GULP1: variants seen among roughly 807,000 people sequenced by gnomAD.
GULP1 encodes the protein GULP PTB domain containing engulfment adaptor 1, also known as PTB domain-containing engulfment adapter protein 1.
A neutral mutation model predicts 40.9 loss-of-function variants in GULP1; 19 were observed. That is an observed-to-expected ratio of 0.46 (90% CI 0.32 to 0.68). The LOEUF is 0.68. GULP1 is among the 30% of genes least tolerant of loss of function. The probability of loss-of-function intolerance (pLI) is 0.03; values close to 1 mark genes in which losing one functional copy is unlikely to be tolerated. For missense variants in GULP1, 312 were observed against 362.2 expected (o/e 0.86, Z 1.12); for synonymous variants, 119 against 117.6 (o/e 1.01, Z -0.08).
intron 2 of GULP1, among the ~76,000 whole-genome samples, chr2:188,387,195 C>T (rs537393908): frequency 8.6e-5 from 13 of 151,878 alleles, no homozygotes; most frequent in Admixed American, 4.6e-4. Context: ...GAGGTTGCAC[C>T]ACTGCACTCC....
At chr2:188,363,720 G>C (rs1175365063) in intron 1 of GULP1, among the ~76,000 whole-genome samples, 2 of 152,114 alleles carry the variant, frequency 1.3e-5, no homozygotes, top group Non-Finnish European at 2.9e-5. Flanking sequence ...TTGTACATAA[G>C]ATTTGATGAC....
chr2:188,519,921 G>T (rs1370302270), intron 4 of GULP1, among the ~76,000 whole-genome samples: 1 of 152,066 alleles, frequency 6.6e-6, no homozygotes. Context: ...TGAAACTACA[G>T]GTTGCATATT....
chr2:188,494,992 T>C (rs188480799), intron 4 of GULP1, among the ~76,000 whole-genome samples: 64 of 152,174 alleles, frequency 4.2e-4, no homozygotes, highest in African/African-American at 1.5e-3. Flanking sequence ...TCAAGGGTTT[T>C]TGTGGTATCC....
At chr2:188,388,078 T>G (rs2050021472) in intron 2 of GULP1, among the ~76,000 whole-genome samples, 1 of 146,418 alleles carries the variant, frequency 6.8e-6, no homozygotes, top group Admixed American at 6.9e-5. Flanking sequence ...CCCCTTCCTG[T>G]GTCCCTGTGT....
chr2:188,544,911 C>G (rs968012306), intron 7 of GULP1, among the ~76,000 whole-genome samples: 1 of 151,874 alleles, frequency 6.6e-6, no homozygotes, highest in Non-Finnish European at 1.5e-5. Context: ...AGGATTAATC[C>G]AAGTAACTCC....
intron 2 of GULP1, among the ~76,000 whole-genome samples, chr2:188,402,213 A>C (rs954135453): frequency 6.6e-6 from 1 of 152,180 alleles, no homozygotes; most frequent in Non-Finnish European, 1.5e-5. Context: ...AAAGCCGGCT[A>C]GTACCTACAG....
chr2:188,395,792 C>G (rs753872084), intron 2 of GULP1, among the ~76,000 whole-genome samples: 4 of 152,154 alleles, frequency 2.6e-5, no homozygotes, highest in Non-Finnish European at 4.4e-5. Flanking sequence ...GGGATATTTT[C>G]AAGGGATCCA....
At chr2:188,297,617 G>T in intron 1 of GULP1, 1 of 419,962 alleles carries the variant, frequency 2.4e-6, no homozygotes, top group African/African-American at 2.2e-5. Flanking sequence ...CTATAAGAGA[G>T]GAGACTGAAT....
chr2:188,402,520 GTAA>G (rs75397811), intron 2 of GULP1, among the ~76,000 whole-genome samples: 1,759 of 152,012 alleles, frequency 0.012, 15 homozygotes, highest in Middle Eastern at 0.048. Flanking sequence ...AAAAATATAG[GTAA>G]TAATAATTTT....
chr2:188,539,304 A>G (rs1217855956), intron 6 of GULP1, among the ~76,000 whole-genome samples: 2 of 152,136 alleles, frequency 1.3e-5, no homozygotes, highest in African/African-American at 4.8e-5. Context: ...ATGCTTTTAC[A>G]ATTAATAAGC....
intron 2 of GULP1, among the ~76,000 whole-genome samples, chr2:188,411,983 G>T (rs577738679): frequency 6.6e-6 from 1 of 152,176 alleles, no homozygotes; most frequent in African/African-American, 2.4e-5. Context: ...TGATCATAGG[G>T]AACTCCCCGT....
At chr2:188,418,415 T>C (rs1305243103) in intron 2 of GULP1, among the ~76,000 whole-genome samples, 1 of 152,156 alleles carries the variant, frequency 6.6e-6, no homozygotes, top group Non-Finnish European at 1.5e-5. Context: ...CCGGATCCCC[T>C]GAGGTCAGGA....
chr2:188,435,363 G>A (rs1046347094), intron 2 of GULP1, among the ~76,000 whole-genome samples: 1 of 151,966 alleles, frequency 6.6e-6, no homozygotes, highest in Non-Finnish European at 1.5e-5. Flanking sequence ...GCCTATTTTG[G>A]TATGTTAAAC....
intron 7 of GULP1, among the ~76,000 whole-genome samples, chr2:188,557,136 C>G (rs1275523132): frequency 1.3e-5 from 2 of 152,118 alleles, no homozygotes; most frequent in African/African-American, 4.8e-5. Context: ...GAACACAGAT[C>G]CAAAACATAT....
chr2:188,593,556 C>T lies in GULP1; in HGVS notation c.844-384C>T, dbSNP rs184272350. 2.0e-5 allele frequency: 3 copies of T among 153,640 alleles called. No individual in the cohort carries two copies. The East Asian group carries it at 5.7e-4, about 29-fold the overall frequency. The allele number at this position is 153,640 out of a possible 1,614,324, so 9.5% of individuals were successfully genotyped here. ...AAAATCATCAGGCTATCTTGAACCT[C>T]TCATCAATTTGAAGCCTAACTATCT... On this transcript the variant is annotated intron_variant, in intron 11 of 11. Transcript: ENST00000409830.
At chr2:188,497,065 C>A (rs1407746560) in intron 4 of GULP1, among the ~76,000 whole-genome samples, 6 of 151,926 alleles carry the variant, frequency 3.9e-5, no homozygotes, top group Non-Finnish European at 5.9e-5. Context: ...TCAGGTATTT[C>A]TTTATAGCAG....
At chr2:188,490,866 C>G (rs993017493) in intron 4 of GULP1, among the ~76,000 whole-genome samples, 9 of 152,048 alleles carry the variant, frequency 5.9e-5, no homozygotes, top group Admixed American at 5.3e-4. Context: ...TGCAGTGGCA[C>G]AATTTTAGTT....
chr2:188,426,274 A>G (rs910379697), intron 2 of GULP1, among the ~76,000 whole-genome samples: 1 of 152,210 alleles, frequency 6.6e-6, no homozygotes, highest in Non-Finnish European at 1.5e-5. Context: ...TGCTTGAGTT[A>G]AGATAAGGTA....
At chr2:188,561,836 G>T (rs1354905116) in intron 7 of GULP1, among the ~76,000 whole-genome samples, 3 of 152,236 alleles carry the variant, frequency 2.0e-5, no homozygotes, top group East Asian at 1.9e-4. Context: ...CCCTGGCAGT[G>T]GTAGTCCTTG....
Sources: allele counts gnomAD v4.1 joint callset (sites outside exome capture counted in the v4.1 genomes callset), GRCh38; gene constraint gnomAD v4.1.1; transcripts MANE v1.5; gene names NCBI Gene and HGNC (gene_info 2026-07-23, HGNC 2026-07-21).